The following ACTR3C variants were observed in gnomAD, a reference collection of about 807,000 sequenced individuals.
ACTR3C encodes actin-related protein 3C.
A neutral mutation model predicts 26.3 loss-of-function variants in ACTR3C; 18 were observed. That is an observed-to-expected ratio of 0.68 (90% CI 0.47 to 1.01). The LOEUF (loss-of-function observed/expected upper bound fraction) is 1.01, where lower values mean the gene tolerates loss of function less well. Among genes scored for constraint, ACTR3C ranks in the 50% least tolerant of loss-of-function variants. The pLI is 0.00. For missense variants in ACTR3C, 184 were observed against 250.7 expected (o/e 0.73, Z 1.80); for synonymous variants, 55 against 94.5 (o/e 0.58, Z 2.42).
At chr7:150,017,479 G>A in the ACTR3C span, among the ~76,000 whole-genome samples, 38 of 147,618 alleles carry the variant, frequency 2.6e-4, no homozygotes, top group African/African-American at 1.0e-3. Flanking sequence ...TTGTGCAGTT[G>A]TAAAGACTAG....
the ACTR3C span, among the ~76,000 whole-genome samples, chr7:150,037,792 C>T: frequency 1.2e-4 from 5 of 42,166 alleles, 1 homozygote; most frequent in Non-Finnish European, 1.9e-4. Context: ...GATGGGGGTC[C>T]CCAGAGCCAG....
the ACTR3C span, among the ~76,000 whole-genome samples, chr7:149,969,288 TG>T: frequency 9.7e-5 from 1 of 10,354 alleles, no homozygotes; most frequent in Non-Finnish European, 1.9e-3. Flanking sequence ...TGTGTGTGTG[TG>T]TGTGTGTGTG....
At chr7:150,090,137 C>T in the ACTR3C span, among the ~76,000 whole-genome samples, 1 of 152,156 alleles carries the variant, frequency 6.6e-6, no homozygotes, top group Non-Finnish European at 1.5e-5. Context: ...TTGACATGCA[C>T]GTAGATGAGC....
At chr7:150,070,119 G>C in the ACTR3C span, among the ~76,000 whole-genome samples, 1 of 152,302 alleles carries the variant, frequency 6.6e-6, no homozygotes, top group South Asian at 2.1e-4. Context: ...CACAGCTTTG[G>C]AGCAGCAGGA....
chr7:150,276,865 C>T (rs1001813463), intron 6 of ACTR3C, among the ~76,000 whole-genome samples: 16 of 152,196 alleles, frequency 1.1e-4, no homozygotes, highest in Admixed American at 1.0e-3. Context: ...TCTCAGGCGA[C>T]TCCTTCTTGA....
At chr7:150,027,108 C>A in the ACTR3C span, among the ~76,000 whole-genome samples, 8,259 of 151,962 alleles carry the variant, frequency 0.054, 726 homozygotes, top group African/African-American at 0.19. Context: ...AATCTCTGTA[C>A]ACAGTGAACG....
At chr7:150,102,958 T>C in the ACTR3C span, among the ~76,000 whole-genome samples, 28 of 152,244 alleles carry the variant, frequency 1.8e-4, no homozygotes, top group Middle Eastern at 3.4e-3. Context: ...TGTTGGATGT[T>C]TGATAAATGC....
the ACTR3C span, among the ~76,000 whole-genome samples, chr7:150,233,307 T>C: frequency 6.6e-6 from 1 of 150,770 alleles, no homozygotes; most frequent in Non-Finnish European, 1.5e-5. Context: ...CCTGTTTTGC[T>C]GTAAGTCAGG....
the ACTR3C span, among the ~76,000 whole-genome samples, chr7:149,959,227 C>G: frequency 7.9e-6 from 1 of 126,118 alleles, no homozygotes. Flanking sequence ...AGCTCGCCCC[C>G]CACCCCCACA....
the ACTR3C span, among the ~76,000 whole-genome samples, chr7:150,034,974 G>A: frequency 1.3e-4 from 18 of 141,156 alleles, 1 homozygote; most frequent in Middle Eastern, 4.3e-3. Context: ...CCCCACTCTC[G>A]TGGGGGGTGC....
chr7:149,914,378 C>G, the ACTR3C span, among the ~76,000 whole-genome samples: 1 of 151,786 alleles, frequency 6.6e-6, no homozygotes, highest in Admixed American at 6.6e-5. Context: ...ATCACCTGAG[C>G]TCAGGAGATC....
At chr7:149,976,016 T>C in the ACTR3C span, among the ~76,000 whole-genome samples, 2,035 of 152,288 alleles carry the variant, frequency 0.013, 49 homozygotes, top group African/African-American at 0.047. Context: ...TGAAAACCCT[T>C]TCGTTGGACT....
the ACTR3C span, among the ~76,000 whole-genome samples, chr7:150,081,083 A>G: frequency 6.6e-6 from 1 of 152,162 alleles, no homozygotes; most frequent in Non-Finnish European, 1.5e-5. Flanking sequence ...ACAACTCTGG[A>G]GAAAGAATGA....
chr7:149,885,004 T>C, the ACTR3C span, among the ~76,000 whole-genome samples: 1 of 152,004 alleles, frequency 6.6e-6, no homozygotes, highest in African/African-American at 2.4e-5. Context: ...TAGATAATTC[T>C]TTGGGTTTTT....
the ACTR3C span, among the ~76,000 whole-genome samples, chr7:150,029,310 A>C: frequency 2.0e-5 from 3 of 150,910 alleles, no homozygotes; most frequent in Non-Finnish European, 4.4e-5. Context: ...CTGTAATCCC[A>C]GTACTTTGGG....
At chr7:150,064,064 G>A in the ACTR3C span, among the ~76,000 whole-genome samples, 1 of 151,936 alleles carries the variant, frequency 6.6e-6, no homozygotes, top group Non-Finnish European at 1.5e-5. Flanking sequence ...TCCAGAAAAA[G>A]GGCAAAAATA....
chr7:149,936,298 T>A, the ACTR3C span, among the ~76,000 whole-genome samples: 2 of 152,136 alleles, frequency 1.3e-5, no homozygotes, highest in Non-Finnish European at 2.9e-5. Flanking sequence ...CTCCTCACCA[T>A]GCATGAATGA....
At chr7:150,311,810 T>C (rs1424020230) in intron 1 of ACTR3C, among the ~76,000 whole-genome samples, 3 of 152,248 alleles carry the variant, frequency 2.0e-5, no homozygotes, top group Non-Finnish European at 4.4e-5. Context: ...CTCTCTCCAC[T>C]ACTTCCCAAC....
At chr7:150,147,928 T>C in the ACTR3C span, among the ~76,000 whole-genome samples, 29 of 143,480 alleles carry the variant, frequency 2.0e-4, no homozygotes, top group South Asian at 4.6e-4. Flanking sequence ...TCCTCACTTA[T>C]AAGTGGGAGC....
Sources: gnomAD v4.1 joint callset for allele counts (sites outside exome capture counted in the v4.1 genomes callset) on GRCh38, gnomAD v4.1.1 for gene constraint, MANE v1.5 for transcripts, NCBI Gene and HGNC (gene_info 2026-07-23, HGNC 2026-07-21) for gene names.